ARHGAP28: variants seen among roughly 807,000 people sequenced by gnomAD.
The protein encoded by ARHGAP28 is rho GTPase-activating protein 28.
ARHGAP28 carries 56 observed loss-of-function variants against 90.7 expected under a neutral mutation model. That is an observed-to-expected ratio of 0.62 (90% CI 0.50 to 0.77). The LOEUF is 0.77. Ranked by LOEUF, ARHGAP28 falls within the 30% of genes least tolerant of loss-of-function variation. ARHGAP28 has a pLI of 0.00. For missense variants in ARHGAP28, 869 were observed against 900.9 expected, an observed-to-expected ratio of 0.96 and a Z score of 0.45; for synonymous variants, 308 against 323.3, an observed-to-expected ratio of 0.95 and a Z score of 0.51.
At position 6,873,410 on chromosome 18, in the gene ARHGAP28, A is replaced by G. The variant is rs1338616142; in HGVS notation, c.956A>G (p.Lys319Arg). 6.3e-7 allele frequency: 1 copy of G among 1,598,822 alleles called. No individual in the cohort carries two copies. ...EIKKEDYVLT[K>R]FNVQKTRFGL... ...AAATACCTTCACTGTGTGTTTTAGA[A>G]ATTTAATGTTCAGAAAACCAGATTT... Residue 319 changes from lysine (K) to arginine (R), a missense_variant and splice_region_variant, in exon 8 of 18, where the codon AAA (lysine) becomes AGA (arginine). By Grantham distance (26) the Lys-to-Arg change is conservative. Transcript: ENST00000383472.
chr18:6,743,590 A>C (rs1381841420), intron 1 of ARHGAP28, among the ~76,000 whole-genome samples: 1 of 152,242 alleles, frequency 6.6e-6, no homozygotes, highest in East Asian at 1.9e-4. Flanking sequence ...ACTATTGATA[A>C]CATGCATAGA....
intron 9 of ARHGAP28, 79 bp from the exon 10 acceptor site, chr18:6,876,052 C>T: frequency 8.7e-7 from 1 of 1,148,908 alleles, no homozygotes; most frequent in Non-Finnish European, 1.3e-6. Flanking sequence ...CTTATTGATT[C>T]ATGTCATCAT....
intron 1 of ARHGAP28, among the ~76,000 whole-genome samples, chr18:6,754,042 T>C (rs1045190605): frequency 6.6e-6 from 1 of 152,236 alleles, no homozygotes; most frequent in African/African-American, 2.4e-5. Flanking sequence ...AAAGTCTACT[T>C]ATCTCAAATA....
At chr18:6,839,345 G>A (rs138485390) in intron 3 of ARHGAP28, among the ~76,000 whole-genome samples, 5 of 149,728 alleles carry the variant, frequency 3.3e-5, no homozygotes, top group Non-Finnish European at 7.4e-5. Flanking sequence ...CCAGGCTGGA[G>A]TGCAGTGGCG....
chr18:6,838,096 G>A (rs181475602), intron 3 of ARHGAP28, among the ~76,000 whole-genome samples: 1 of 152,270 alleles, frequency 6.6e-6, no homozygotes, highest in African/African-American at 2.4e-5. Context: ...TTGCACAATT[G>A]CAATGTTACA....
chr18:6,786,493 C>T (rs1373714450), intron 1 of ARHGAP28, among the ~76,000 whole-genome samples: 4 of 152,144 alleles, frequency 2.6e-5, no homozygotes, highest in African/African-American at 4.8e-5. Flanking sequence ...TCTCACCACT[C>T]TCTTCTCCCA....
intron 1 of ARHGAP28, among the ~76,000 whole-genome samples, chr18:6,772,211 A>G (rs549491188): frequency 8.5e-5 from 13 of 152,348 alleles, no homozygotes; most frequent in African/African-American, 2.9e-4. Flanking sequence ...TAAATATTGT[A>G]CCTAATAGTC....
At chr18:6,777,197 G>C (rs889155393) in intron 1 of ARHGAP28, among the ~76,000 whole-genome samples, 23 of 152,164 alleles carry the variant, frequency 1.5e-4, no homozygotes, top group African/African-American at 5.3e-4. Context: ...AATAGAAAAA[G>C]ATGTATTTGA....
intron 1 of ARHGAP28, among the ~76,000 whole-genome samples, chr18:6,786,811 A>G (rs2143522982): frequency 6.6e-6 from 1 of 152,218 alleles, no homozygotes; most frequent in Non-Finnish European, 1.5e-5. Context: ...AAATCCCTAA[A>G]ATAGCAAATT....
chr18:6,753,158 G>A (rs1033409137), intron 1 of ARHGAP28, among the ~76,000 whole-genome samples: 1 of 152,112 alleles, frequency 6.6e-6, no homozygotes, highest in African/African-American at 2.4e-5. Flanking sequence ...GTTTGAAATG[G>A]TACCAATGGA....
chr18:6,886,841 A>G (rs2057225386), intron 11 of ARHGAP28, among the ~76,000 whole-genome samples: 1 of 152,084 alleles, frequency 6.6e-6, no homozygotes. Flanking sequence ...AGTGAGCTTC[A>G]CTTCTATTTA....
rs10602816 is a variant in ARHGAP28, at chr18:6,782,592, A to ATTTTT, written c.123-42137_123-42133dup. Reference sequence around the variant, plus strand: ...GCCATCACGCCCAGCTAATTTTTGTATTTTTTTTTTTTTTTTTTTTTTTTT... The same window carrying ATTTTT: ...GCCATCACGCCCAGCTAATTTTTGTATTTTTTTTTTTTTTTTTTTTTTTTTTTTTT... On this transcript the variant is annotated intron_variant, in intron 1 of 17. Coordinates refer to ENST00000383472, the MANE Select transcript of ARHGAP28 (RefSeq NM_001366230.1). 7.9e-4 allele frequency among the ~76,000 whole-genome samples: 21 copies of ATTTTT among 26,690 alleles called. 5 individuals carry two copies. The highest frequency in any genetic ancestry group is 3.9e-3 in the East Asian group (3 of 764). The allele number at this position is 26,690 out of a possible 152,430, so 17.5% of individuals were successfully genotyped here.
At chr18:6,900,860 GTA>G (rs2143815185) in intron 16 of ARHGAP28, among the ~76,000 whole-genome samples, 1 of 152,220 alleles carries the variant, frequency 6.6e-6, no homozygotes, top group East Asian at 1.9e-4. Context: ...AACCAAAATA[GTA>G]TGATTAAACT....
chr18:6,842,065 T>G (rs551108672), intron 3 of ARHGAP28, among the ~76,000 whole-genome samples: 2 of 152,284 alleles, frequency 1.3e-5, no homozygotes, highest in East Asian at 3.9e-4. Flanking sequence ...CTTTAAAAAT[T>G]TGGCCAGGCA....
chr18:6,797,595 C>T (rs1280879284), intron 1 of ARHGAP28, among the ~76,000 whole-genome samples: 1 of 151,710 alleles, frequency 6.6e-6, no homozygotes, highest in Non-Finnish European at 1.5e-5. Flanking sequence ...CAGCTTTCTA[C>T]AATTTGGAGG....
At chr18:6,897,057 C>T (rs1197434515) in intron 16 of ARHGAP28, 1 of 157,162 alleles carries the variant, frequency 6.4e-6, no homozygotes, top group East Asian at 1.9e-4. Context: ...GGATTACAGG[C>T]ACGCACCACA....
At chr18:6,906,792 A>G (rs1362611081) in intron 16 of ARHGAP28, among the ~76,000 whole-genome samples, 1 of 152,198 alleles carries the variant, frequency 6.6e-6, no homozygotes, top group Non-Finnish European at 1.5e-5. Context: ...CCTCACCAAA[A>G]TGGAAAACTT....
At chr18:6,781,369 C>T (rs1216882041) in intron 1 of ARHGAP28, among the ~76,000 whole-genome samples, 1 of 152,172 alleles carries the variant, frequency 6.6e-6, no homozygotes, top group Non-Finnish European at 1.5e-5. Flanking sequence ...GAACTGTTCA[C>T]TCTGCAGCCC....
At chr18:6,845,497 G>A (rs1231185497) in intron 3 of ARHGAP28, among the ~76,000 whole-genome samples, 1 of 152,268 alleles carries the variant, frequency 6.6e-6, no homozygotes, top group Middle Eastern at 3.4e-3. Context: ...GTGCCATGGT[G>A]TTTTGCTGCA....
Sources: gnomAD v4.1 joint callset for allele counts (sites outside exome capture counted in the v4.1 genomes callset) on GRCh38, gnomAD v4.1.1 for gene constraint, MANE v1.5 for transcripts, NCBI Gene and HGNC (gene_info 2026-07-23, HGNC 2026-07-21) for gene names.